Variants in USH2A observed in about 807,000 individuals in gnomAD.
USH2A encodes the protein Usher syndrome 2A (autosomal recessive, mild).
In USH2A, 443 loss-of-function variants were observed where a neutral mutation model predicts 538.9. The ratio of observed to expected loss-of-function variants is 0.82; its 90% CI spans 0.76 to 0.89. The LOEUF (loss-of-function observed/expected upper bound fraction) is 0.89, where lower values mean the gene tolerates loss of function less well. Ranked by LOEUF, USH2A falls within the 40% of genes least tolerant of loss-of-function variation. The pLI, the probability that USH2A is intolerant of heterozygous loss-of-function variation, is 0.00. For missense variants in USH2A, 6,633 were observed against 6,324.8 expected (o/e 1.05, Z -1.65); for synonymous variants, 2,413 against 2,273.5 (o/e 1.06, Z -1.75).
rs1275064631 is a variant in USH2A at position 215,730,410 on chromosome 1, A to G, written c.11712-2026T>C. On this transcript the variant is annotated intron_variant, in intron 60 of 71. Coordinates refer to ENST00000307340, the MANE Select transcript of USH2A (RefSeq NM_206933.4). ...AGCTCTTATTTCCTATCAGGGCAGT[A>G]TTCCAGGTTGGGAGAGAATGTAACC... Among the ~76,000 whole-genome samples, 4 of 152,172 alleles carry G rather than the reference A, an allele frequency of 2.6e-5. No homozygotes were observed. The East Asian group carries it at 7.7e-4, about 29-fold the overall frequency.
chr1:216,085,574 G>T (rs72746308), intron 24 of USH2A, among the ~76,000 whole-genome samples: 17,675 of 152,086 alleles, frequency 0.12, 1,380 homozygotes, highest in Non-Finnish European at 0.18. Flanking sequence ...GTTTTATAAG[G>T]CCAATTTACA....
chr1:216,254,345 A>T (rs1255855063), intron 11 of USH2A, among the ~76,000 whole-genome samples: 12 of 152,126 alleles, frequency 7.9e-5, no homozygotes, highest in South Asian at 2.1e-4. Flanking sequence ...GAAAATACAA[A>T]TCTACTCATA....
At chr1:216,256,998 C>T (rs2036272806) in intron 11 of USH2A, among the ~76,000 whole-genome samples, 1 of 151,978 alleles carries the variant, frequency 6.6e-6, no homozygotes, top group East Asian at 1.9e-4. Flanking sequence ...AAACATTTTA[C>T]TTACACATGT....
chr1:216,150,803 A>C (rs2102619702), intron 21 of USH2A, among the ~76,000 whole-genome samples: 1 of 152,192 alleles, frequency 6.6e-6, no homozygotes, highest in East Asian at 1.9e-4. Flanking sequence ...ATCTCTCGGC[A>C]AAGACCCACT....
Position 216,289,397 on chromosome 1 carries a change from C to T in USH2A, c.1854G>A (p.Glu618=). The T allele has an allele frequency of 6.2e-7, 1 of 1,613,896 alleles. No individual in the cohort carries two copies. The highest frequency in any genetic ancestry group is 1.3e-5 in the African/African-American group (1 of 75,048). The part of the protein sequence containing the change: ...CEHNTTGRNC[E]LCKDYFFRQV... Reference sequence around the variant, plus strand: ...GTCGGAAAAAGTAATCCTTGCACAGCTCACAGTTCCTTCCTGCATCAGGGA... The same window carrying T: ...GTCGGAAAAAGTAATCCTTGCACAGTTCACAGTTCCTTCCTGCATCAGGGA... Residue 618 remains glutamate, a synonymous_variant, in exon 11 of 72, where the codon GAG becomes GAA. Coordinates refer to ENST00000307340, the MANE Select transcript of USH2A (RefSeq NM_206933.4).
At chr1:216,038,096 C>T (rs566947410) in intron 32 of USH2A, among the ~76,000 whole-genome samples, 113 of 152,094 alleles carry the variant, frequency 7.4e-4, no homozygotes, top group Middle Eastern at 6.8e-3. Context: ...TGAATATTTT[C>T]CCTTCTAAAT....
chr1:215,801,363 A>G (rs1040630400), intron 49 of USH2A, among the ~76,000 whole-genome samples: 13 of 151,346 alleles, frequency 8.6e-5, no homozygotes, highest in Admixed American at 7.9e-4. Flanking sequence ...CTCAGACAAC[A>G]TGATATCATA....
chr1:216,138,394 G>A (rs184348516), intron 21 of USH2A, among the ~76,000 whole-genome samples: 8,768 of 152,190 alleles, frequency 0.058, 343 homozygotes, highest in East Asian at 0.18. Flanking sequence ...CTTTGTCTTA[G>A]GCTAAAGAAC....
intron 21 of USH2A, among the ~76,000 whole-genome samples, chr1:216,133,901 T>C (rs945665642): frequency 3.3e-5 from 5 of 152,138 alleles, no homozygotes; most frequent in African/African-American, 1.2e-4. Context: ...ATTTCTTTTT[T>C]CTTATCCCTT....
intron 4 of USH2A, among the ~76,000 whole-genome samples, chr1:216,342,291 AC>A (rs747522783): frequency 6.6e-6 from 1 of 152,166 alleles, no homozygotes; most frequent in Non-Finnish European, 1.5e-5. Flanking sequence ...ACCATGAGAT[AC>A]TATCTCATTT....
At chr1:216,251,132 A>G in intron 11 of USH2A, 34 bp from the exon 12 acceptor site, 1 of 1,609,240 alleles carries the variant, frequency 6.2e-7, no homozygotes, top group Non-Finnish European at 8.5e-7. Flanking sequence ...AGAATGATGA[A>G]CGTATCTATT....
At chr1:215,992,394 A>C (rs1668022127) in intron 35 of USH2A, among the ~76,000 whole-genome samples, 1 of 152,116 alleles carries the variant, frequency 6.6e-6, no homozygotes, top group Non-Finnish European at 1.5e-5. Context: ...ATGAGATTTT[A>C]TTTTAGTGAA....
intron 16 of USH2A, among the ~76,000 whole-genome samples, chr1:216,206,857 A>G (rs542282095): frequency 7.2e-5 from 11 of 152,340 alleles, no homozygotes; most frequent in African/African-American, 2.4e-4. Context: ...ATGACTGTTC[A>G]CTTGAGATAA....
chr1:216,072,761 C>T (rs757891036), intron 29 of USH2A, 128 bp downstream of exon 29: 1 of 901,064 alleles, frequency 1.1e-6, no homozygotes, highest in Non-Finnish European at 1.8e-6. Flanking sequence ...ATTTTCAAAC[C>T]AAGGCATGCT....
At chr1:216,343,655 C>G (rs571599860) in intron 4 of USH2A, among the ~76,000 whole-genome samples, 3 of 151,670 alleles carry the variant, frequency 2.0e-5, no homozygotes, top group Non-Finnish European at 4.4e-5. Flanking sequence ...TGATAACAGC[C>G]TTTCATTATT....
At chr1:215,837,421 C>T (rs986328624) in intron 47 of USH2A, among the ~76,000 whole-genome samples, 1 of 151,944 alleles carries the variant, frequency 6.6e-6, no homozygotes, top group Non-Finnish European at 1.5e-5. Context: ...GGAAACAATA[C>T]CAAATATTAT....
At chr1:216,407,316 G>A (rs1231253724) in intron 3 of USH2A, among the ~76,000 whole-genome samples, 3 of 151,982 alleles carry the variant, frequency 2.0e-5, no homozygotes, top group African/African-American at 7.2e-5. Context: ...ATACATATTT[G>A]TAAATACTAA....
chr1:216,292,576 C>T (rs2037023458), intron 9 of USH2A, among the ~76,000 whole-genome samples: 3 of 152,078 alleles, frequency 2.0e-5, no homozygotes, highest in African/African-American at 7.2e-5. Context: ...ACCATGCAAA[C>T]TTGAACCATG....
At chr1:216,219,659 G>A (rs1304605487) in intron 14 of USH2A, among the ~76,000 whole-genome samples, 3 of 151,956 alleles carry the variant, frequency 2.0e-5, no homozygotes, top group African/African-American at 7.2e-5. Context: ...CAGGATAAAT[G>A]GTTTTTGTAA....
Sources: gnomAD v4.1 joint callset for allele counts (sites outside exome capture counted in the v4.1 genomes callset) on GRCh38, gnomAD v4.1.1 for gene constraint, MANE v1.5 for transcripts, NCBI Gene and HGNC (gene_info 2026-07-23, HGNC 2026-07-21) for gene names.